Variants in RNF38 observed in about 807,000 individuals in gnomAD.
The protein encoded by RNF38 is ring finger protein 38.
Under a neutral mutation model 67.2 loss-of-function variants are expected in RNF38, and 15 were observed. The ratio of observed to expected loss-of-function variants is 0.22; its 90% CI spans 0.15 to 0.34. The LOEUF (loss-of-function observed/expected upper bound fraction) is 0.34. RNF38 is among the 10% of genes least tolerant of loss of function. The pLI, the probability that RNF38 is intolerant of heterozygous loss-of-function variation, is 1.00. For missense variants in RNF38, 524 were observed against 639.9 expected (o/e 0.82, Z 1.95); for synonymous variants, 220 against 218.8 (o/e 1.01, Z -0.05).
intron 1 of RNF38, among the ~76,000 whole-genome samples, chr9:36,448,213 T>C (rs1425880820): frequency 6.6e-6 from 1 of 152,226 alleles, no homozygotes; most frequent in African/African-American, 2.4e-5. Context: ...GCAGCCACTA[T>C]GTTTGTATTC....
chr9:36,352,933 TTAAACAG>T (rs1833810846), intron 7 of RNF38, 85 bp from the exon 8 acceptor site: 6 of 1,017,112 alleles, frequency 5.9e-6, no homozygotes, highest in Admixed American at 4.7e-5. Flanking sequence ...AAAAAAAGAC[TTAAACAG>T]TAAAGTTCTT....
intron 2 of RNF38, among the ~76,000 whole-genome samples, chr9:36,380,356 C>T (rs1193865887): frequency 6.6e-6 from 1 of 152,000 alleles, no homozygotes; most frequent in Non-Finnish European, 1.5e-5. Flanking sequence ...TGCGCCACCA[C>T]ACCCTGCTAA....
chr9:36,427,774 G>A (rs540255462), intron 1 of RNF38, among the ~76,000 whole-genome samples: 1 of 151,732 alleles, frequency 6.6e-6, no homozygotes, highest in Non-Finnish European at 1.5e-5. Flanking sequence ...GTAGTGGTGC[G>A]ATCTTGGCTC....
At chr9:36,438,588 C>A (rs960141562) in intron 1 of RNF38, among the ~76,000 whole-genome samples, 3 of 151,894 alleles carry the variant, frequency 2.0e-5, no homozygotes, top group African/African-American at 7.3e-5. Context: ...CACTTACAAG[C>A]AGAAGAGTTT....
intron 8 of RNF38, among the ~76,000 whole-genome samples, chr9:36,351,413 AAGATT>A (rs1833680369): frequency 2.0e-5 from 3 of 152,230 alleles, no homozygotes; most frequent in Admixed American, 1.3e-4. Context: ...ACCACATAAG[AAGATT>A]AGAAGACTCA....
chr9:36,442,933 T>C (rs1332169337), intron 1 of RNF38, among the ~76,000 whole-genome samples: 2 of 152,216 alleles, frequency 1.3e-5, no homozygotes, highest in Non-Finnish European at 2.9e-5. Context: ...CCCTGCCTAG[T>C]TGCTCACCCA....
chr9:36,460,337 A>G (rs751878266), intron 1 of RNF38, among the ~76,000 whole-genome samples: 1 of 152,168 alleles, frequency 6.6e-6, no homozygotes, highest in Admixed American at 6.6e-5. Flanking sequence ...CAAACAGGAA[A>G]TTCAAAAGCA....
Position 36,444,991 on chromosome 9 carries a change from C to G in RNF38, n.242-20308G>C, listed in dbSNP as rs150811422. 5.8e-3 allele frequency among the ~76,000 whole-genome samples: 881 copies of G among 150,670 alleles called. 13 individuals carry two copies. The highest frequency in any genetic ancestry group is 0.021 in the African/African-American group (844 of 40,882). On this transcript the variant is annotated intron_variant and non_coding_transcript_variant, in intron 1 of 3. Coordinates refer to the RNF38 transcript ENST00000488058. ...CTGGTTAATCCACTATCCCTCAGAC[C>G]CAAACAAATCCTGCATAAACTACAA...
chr9:36,487,503 CG>C, exon 1 of RNF38: 1 of 980,738 alleles, frequency 1.0e-6, no homozygotes, highest in Non-Finnish European at 1.2e-6. Context: ...AAGTGCGCGG[CG>C]GCGGCGGCTG....
intron 4 of RNF38, among the ~76,000 whole-genome samples, chr9:36,361,339 T>C (rs1834519604): frequency 6.6e-6 from 1 of 151,468 alleles, no homozygotes; most frequent in Non-Finnish European, 1.5e-5. Context: ...ATTTTTTGTA[T>C]TTTTTAGTAG....
intron 1 of RNF38, among the ~76,000 whole-genome samples, chr9:36,449,208 G>C (rs1356479163): frequency 1.3e-5 from 2 of 152,252 alleles, no homozygotes; most frequent in East Asian, 3.9e-4. Flanking sequence ...TTAGGCAGGA[G>C]GATATCAAGG....
At chr9:36,352,469 T>C (rs550833516) in intron 8 of RNF38, among the ~76,000 whole-genome samples, 1 of 152,210 alleles carries the variant, frequency 6.6e-6, no homozygotes, top group Non-Finnish European at 1.5e-5. Context: ...TGGTAAGTGT[T>C]ATCAGTTGTA....
chr9:36,455,769 C>T (rs906915264), intron 1 of RNF38, among the ~76,000 whole-genome samples: 4 of 151,358 alleles, frequency 2.6e-5, no homozygotes, highest in African/African-American at 9.7e-5. Context: ...ACTAAAAGTA[C>T]AAAAATTACA....
At chr9:36,463,313 G>A (rs770182784) in intron 1 of RNF38, among the ~76,000 whole-genome samples, 3 of 152,078 alleles carry the variant, frequency 2.0e-5, no homozygotes, top group African/African-American at 4.8e-5. Context: ...GAAAGGCCCC[G>A]CACATTATGA....
At chr9:36,433,697 A>C (rs1208827062) in intron 1 of RNF38, among the ~76,000 whole-genome samples, 1 of 151,694 alleles carries the variant, frequency 6.6e-6, no homozygotes, top group Non-Finnish European at 1.5e-5. Flanking sequence ...AAAAAAAAAA[A>C]AAAAAAGAAA....
At chr9:36,480,557 T>TC (rs1418144409) in intron 1 of RNF38, among the ~76,000 whole-genome samples, 1 of 143,230 alleles carries the variant, frequency 7.0e-6, no homozygotes, top group East Asian at 2.0e-4. Context: ...TCTTTTTTTT[T>TC]TTTTTTTTTT....
intron 2 of RNF38, 134 bp from the exon 3 acceptor site, chr9:36,376,261 A>C (rs1044221713): frequency 2.5e-4 from 159 of 632,770 alleles, no homozygotes; most frequent in Non-Finnish European, 5.1e-5. Context: ...ATATGCTATC[A>C]ATTCAAATTT....
In RNF38 at chr9:36,369,839, T is replaced by C; in HGVS notation, c.450A>G (p.Ala150=). 1 of 1,613,912 alleles carries C rather than the reference T, an allele frequency of 6.2e-7. No individual in the cohort carries two copies. Among genetic ancestry groups the C allele is most frequent in the South Asian group, 1.1e-5 (1 of 91,068 alleles). Residue 150 remains alanine, a synonymous_variant, in exon 4 of 12, where the codon GCA becomes GCG. Transcript: ENST00000259605. ...QDENYHHLPY[A]QQQAIEEPRA... is the part of the protein sequence containing the mutation. ...GAGGCTCCTCTATTGCTTGCTGCTG[T>C]GCGTAAGGGAGATGGTGATAGTTTT...
intron 2 of RNF38, among the ~76,000 whole-genome samples, chr9:36,377,166 C>A (rs1257114416): frequency 6.6e-6 from 1 of 152,016 alleles, no homozygotes; most frequent in African/African-American, 2.4e-5. Context: ...ATCAGTCTAC[C>A]CAAAAATATC....
Sources: gnomAD v4.1 joint callset for allele counts (sites outside exome capture counted in the v4.1 genomes callset) on GRCh38, gnomAD v4.1.1 for gene constraint, MANE v1.5 for transcripts, NCBI Gene and HGNC (gene_info 2026-07-23, HGNC 2026-07-21) for gene names.